Variants in DIAPH2 observed in about 807,000 individuals in gnomAD.
DIAPH2 encodes protein diaphanous homolog 2.
Under a neutral mutation model 92.7 loss-of-function variants are expected in DIAPH2, and 35 were observed. That is an observed-to-expected ratio of 0.38 (90% confidence interval 0.29 to 0.50). The LOEUF (loss-of-function observed/expected upper bound fraction) is 0.50. Among genes scored for constraint, DIAPH2 ranks in the 20% least tolerant of loss-of-function variants. The probability of loss-of-function intolerance (pLI) is 0.94; values close to 1 mark genes in which losing one functional copy is unlikely to be tolerated. For missense variants in DIAPH2, 701 were observed against 819.5 expected, an observed-to-expected ratio of 0.86 and a Z score of 1.77; for synonymous variants, 301 against 280.4, an observed-to-expected ratio of 1.07 and a Z score of -0.73.
At chrX:97,512,273 C>A (rs1392889028) in intron 26 of DIAPH2, among the ~76,000 whole-genome samples, 2 of 113,434 alleles carry the variant, frequency 1.8e-5, no homozygotes, top group East Asian at 2.7e-4. Flanking sequence ...TCCATTTCTT[C>A]AAGATTTTCT....
intron 17 of DIAPH2, among the ~76,000 whole-genome samples, chrX:97,022,241 G>A (rs1431108500): frequency 4.5e-5 from 5 of 112,146 alleles, no homozygotes; most frequent in Non-Finnish European, 9.4e-5. Context: ...TTATATTCAG[G>A]ATAATGAGTA....
At chrX:97,266,410 C>T (rs1414735796) in intron 23 of DIAPH2, among the ~76,000 whole-genome samples, 2 of 111,999 alleles carry the variant, frequency 1.8e-5, no homozygotes, top group South Asian at 7.4e-4. Flanking sequence ...GTAGGAGTTT[C>T]ATTAACTCTC....
chrX:96,737,846 C>T (rs956527867), intron 2 of DIAPH2, among the ~76,000 whole-genome samples: 3 of 111,081 alleles, frequency 2.7e-5, no homozygotes, highest in Non-Finnish European at 5.7e-5. Flanking sequence ...CCTCATTGGC[C>T]CAACATTTTA....
chrX:97,415,646 C>G (rs1239463892), intron 25 of DIAPH2, among the ~76,000 whole-genome samples: 5 of 96,390 alleles, frequency 5.2e-5, no homozygotes, highest in African/African-American at 1.9e-4. Context: ...AGGTGGGAAT[C>G]TAACAATGAG....
intron 24 of DIAPH2, among the ~76,000 whole-genome samples, chrX:97,368,936 G>A (rs1481013589): frequency 9.0e-5 from 5 of 55,811 alleles, no homozygotes; most frequent in Non-Finnish European, 1.2e-4. Flanking sequence ...ACGAAGTTTC[G>A]CTCTTGTTGC....
At chrX:97,180,427 G>T (rs1028138904) in intron 22 of DIAPH2, among the ~76,000 whole-genome samples, 8 of 111,471 alleles carry the variant, frequency 7.2e-5, no homozygotes, top group Non-Finnish European at 1.1e-4. Context: ...TGGGTAGATT[G>T]CAAAAATTTT....
intron 22 of DIAPH2, among the ~76,000 whole-genome samples, chrX:97,225,739 C>T (rs377601947): frequency 9.0e-6 from 1 of 111,275 alleles, no homozygotes; most frequent in African/African-American, 3.3e-5. Flanking sequence ...AAGCTATTGT[C>T]ATTTTACCCA....
rs1303759368 is a variant in DIAPH2 at position 97,600,595 on chromosome X, G to GTT, written c.*1279_*1280dup. 1.2e-4 allele frequency: 14 copies of GTT among 112,301 alleles called. No homozygotes were observed. The highest frequency in any genetic ancestry group is 4.2e-4 in the African/African-American group (13 of 30,893). 9.3% of individuals were successfully genotyped at this position (112,301 alleles called of 1,213,427 possible). On this transcript the variant is annotated 3_prime_UTR_variant, in exon 27 of 27. Transcript: ENST00000324765. ...TTCTTAAATAAATTAGGGAGTAAAA[G>GTT]TTATACTTAACTTGTCTGTCTATTA...
chrX:97,570,115 T>TTAGA (rs1375050295), intron 26 of DIAPH2, among the ~76,000 whole-genome samples: 59 of 29,010 alleles, frequency 2.0e-3, no homozygotes, highest in African/African-American at 6.2e-3. Flanking sequence ...TATATATATA[T>TTAGA]ATATATATTA....
chrX:97,004,594 T>C (rs957519598), intron 17 of DIAPH2, among the ~76,000 whole-genome samples: 1 of 111,547 alleles, frequency 9.0e-6, no homozygotes, highest in Non-Finnish European at 1.9e-5. Flanking sequence ...TCTTGACTTA[T>C]TTTTCAGATT....
intron 17 of DIAPH2, among the ~76,000 whole-genome samples, chrX:97,036,862 A>G (rs956916563): frequency 8.9e-6 from 1 of 111,993 alleles, no homozygotes; most frequent in African/African-American, 3.2e-5. Context: ...TAGGTAGATG[A>G]CAATCATTAA....
At chrX:97,142,058 T>C (rs1341118749) in intron 22 of DIAPH2, among the ~76,000 whole-genome samples, 1 of 111,875 alleles carries the variant, frequency 8.9e-6, no homozygotes, top group East Asian at 2.8e-4. Context: ...GTACTTTCAT[T>C]TGATAAACAT....
rs748360884 is a variant in DIAPH2, at chrX:97,331,969, G to C, written c.2845-16147G>C. ...TATTTTATTTCAGAGTAACATGTCT[G>C]TCATTGAGATAGTTTACTGTAGGTT... On this transcript the variant is annotated intron_variant, in intron 23 of 26. Transcript: ENST00000324765. Among the ~76,000 whole-genome samples, 171 of 111,474 alleles carry C rather than the reference G, an allele frequency of 1.5e-3. 1 individual carries two copies. Among genetic ancestry groups the C allele is most frequent in the Non-Finnish European group, 2.8e-3 (151 of 53,035 alleles).
intron 17 of DIAPH2, among the ~76,000 whole-genome samples, chrX:97,055,542 A>T (rs1407370814): frequency 1.8e-5 from 2 of 111,448 alleles, no homozygotes; most frequent in African/African-American, 6.5e-5. Context: ...AAGAGATAAG[A>T]GTTGGATTTA....
intron 22 of DIAPH2, among the ~76,000 whole-genome samples, chrX:97,171,280 T>C (rs1189037253): frequency 8.9e-6 from 1 of 112,563 alleles, no homozygotes. Flanking sequence ...ATGTAGCCAA[T>C]ATCCTATTAT....
chrX:97,064,039 C>T (rs889716642), intron 17 of DIAPH2, among the ~76,000 whole-genome samples: 4 of 112,036 alleles, frequency 3.6e-5, no homozygotes, highest in African/African-American at 6.5e-5. Context: ...AGAAAAAGTT[C>T]GCTGACCTTC....
intron 22 of DIAPH2, among the ~76,000 whole-genome samples, chrX:97,182,176 G>A (rs2067545865): frequency 9.0e-6 from 1 of 110,988 alleles, no homozygotes; most frequent in African/African-American, 3.3e-5. Flanking sequence ...AGGCATGATA[G>A]GAGGAAGAGA....
At chrX:97,460,094 G>C in intron 26 of DIAPH2, among the ~76,000 whole-genome samples, 1 of 111,574 alleles carries the variant, frequency 9.0e-6, no homozygotes, top group Non-Finnish European at 1.9e-5. Flanking sequence ...CAGACAATTT[G>C]AATGGTGAAC....
intron 4 of DIAPH2, among the ~76,000 whole-genome samples, chrX:96,843,718 G>A (rs1028704505): frequency 9.5e-4 from 106 of 111,819 alleles, no homozygotes; most frequent in African/African-American, 3.3e-3. Flanking sequence ...GAATTCAAGA[G>A]CCCAGCTCCT....
Sources: allele counts gnomAD v4.1 joint callset (sites outside exome capture counted in the v4.1 genomes callset), GRCh38; gene constraint gnomAD v4.1.1; transcripts MANE v1.5; gene names NCBI Gene and HGNC (gene_info 2026-07-23, HGNC 2026-07-21).